ARB2A: variants seen among roughly 807,000 people sequenced by gnomAD.
ARB2A encodes ARB2 cotranscriptional regulator A.
the ARB2A span, among the ~76,000 whole-genome samples, chr5:94,032,805 C>T: frequency 6.6e-6 from 1 of 152,140 alleles, no homozygotes; most frequent in African/African-American, 2.4e-5. Flanking sequence ...AGGTTTCAGA[C>T]TTGCTTTGAG....
At chr5:93,865,786 G>A in the ARB2A span, 1 of 985,356 alleles carries the variant, frequency 1.0e-6, no homozygotes, top group Non-Finnish European at 1.2e-6. Context: ...GCATAAATAA[G>A]TAAATCAACA....
the ARB2A span, among the ~76,000 whole-genome samples, chr5:94,026,308 A>T: frequency 6.6e-6 from 1 of 152,014 alleles, no homozygotes; most frequent in Admixed American, 6.6e-5. Flanking sequence ...GCAGTGGGCC[A>T]CAACTGTTAT....
chr5:93,676,353 C>T, the ARB2A span, among the ~76,000 whole-genome samples: 1 of 152,114 alleles, frequency 6.6e-6, no homozygotes, highest in African/African-American at 2.4e-5. Flanking sequence ...TAGTAGAGTA[C>T]TAAGTTTTAT....
chr5:93,958,327 T>A, the ARB2A span, among the ~76,000 whole-genome samples: 8 of 152,030 alleles, frequency 5.3e-5, no homozygotes, highest in Non-Finnish European at 1.0e-4. Context: ...TTAAATAATA[T>A]GAGATTAATT....
the ARB2A span, among the ~76,000 whole-genome samples, chr5:94,100,943 T>G: frequency 6.6e-6 from 1 of 152,142 alleles, no homozygotes; most frequent in Non-Finnish European, 1.5e-5. Flanking sequence ...AAATGGGATC[T>G]AATTAAACTT....
chr5:93,790,761 A>G, the ARB2A span, among the ~76,000 whole-genome samples: 3 of 151,608 alleles, frequency 2.0e-5, no homozygotes, highest in Admixed American at 2.0e-4. Flanking sequence ...GACTGTATTT[A>G]AAAAAAAAGA....
the ARB2A span, among the ~76,000 whole-genome samples, chr5:93,789,945 C>T: frequency 6.6e-6 from 1 of 152,190 alleles, no homozygotes; most frequent in Non-Finnish European, 1.5e-5. Context: ...GCAGGAAATT[C>T]AGATGAGTAT....
the ARB2A span, among the ~76,000 whole-genome samples, chr5:93,701,772 A>T: frequency 9.2e-5 from 14 of 152,130 alleles, no homozygotes; most frequent in African/African-American, 2.4e-5. Flanking sequence ...ACTGAAACAA[A>T]CTTTTGATTA....
chr5:93,708,834 C>A, the ARB2A span, among the ~76,000 whole-genome samples: 2 of 152,254 alleles, frequency 1.3e-5, no homozygotes, highest in African/African-American at 4.8e-5. Context: ...ATAGTTAAAG[C>A]ACTTGTGTGT....
At chr5:93,954,476 C>A in the ARB2A span, among the ~76,000 whole-genome samples, 1 of 151,936 alleles carries the variant, frequency 6.6e-6, no homozygotes, top group African/African-American at 2.4e-5. Flanking sequence ...CCTACGGTGG[C>A]TCATCTGGTA....
chr5:93,925,030 A>G, the ARB2A span, among the ~76,000 whole-genome samples: 2 of 152,148 alleles, frequency 1.3e-5, no homozygotes, highest in African/African-American at 4.8e-5. Context: ...TCAATCTTAC[A>G]TTAGCAATAA....
chr5:94,070,696 G>T, the ARB2A span, among the ~76,000 whole-genome samples: 1 of 151,994 alleles, frequency 6.6e-6, no homozygotes, highest in East Asian at 1.9e-4. Flanking sequence ...TTAAAAAGAA[G>T]TTGTATTCAG....
the ARB2A span, among the ~76,000 whole-genome samples, chr5:93,687,418 A>C: frequency 6.6e-6 from 1 of 152,222 alleles, no homozygotes; most frequent in Non-Finnish European, 1.5e-5. Flanking sequence ...AAATGTACAA[A>C]GATACTTACT....
At chr5:93,797,035 T>C in the ARB2A span, among the ~76,000 whole-genome samples, 1 of 152,056 alleles carries the variant, frequency 6.6e-6, no homozygotes, top group African/African-American at 2.4e-5. Flanking sequence ...CACTTCTGAG[T>C]TGATATACTA....
the ARB2A span, among the ~76,000 whole-genome samples, chr5:93,760,057 A>C: frequency 6.6e-6 from 1 of 152,226 alleles, no homozygotes; most frequent in East Asian, 1.9e-4. Context: ...GTTTCTGGAT[A>C]AAAGATTAAT....
At chr5:93,812,563 T>G in the ARB2A span, among the ~76,000 whole-genome samples, 4 of 152,216 alleles carry the variant, frequency 2.6e-5, no homozygotes, top group African/African-American at 9.6e-5. Context: ...GAAAGATAAA[T>G]ATAAAGTTTT....
chr5:93,996,976 G>A, the ARB2A span, among the ~76,000 whole-genome samples: 5 of 152,060 alleles, frequency 3.3e-5, no homozygotes, highest in African/African-American at 1.2e-4. Context: ...GCCATTGATC[G>A]AGGAATTAGG....
At chr5:93,982,488 T>C in the ARB2A span, among the ~76,000 whole-genome samples, 1 of 152,168 alleles carries the variant, frequency 6.6e-6, no homozygotes, top group Admixed American at 6.5e-5. Context: ...TGCACAGATC[T>C]TGGGGTGGGG....
chr5:93,802,516 G>C, the ARB2A span, among the ~76,000 whole-genome samples: 4 of 151,884 alleles, frequency 2.6e-5, no homozygotes, highest in Admixed American at 6.6e-5. Flanking sequence ...AAAAATTCAA[G>C]GCTATTTAAA....
Sources: gnomAD v4.1 joint callset for allele counts (sites outside exome capture counted in the v4.1 genomes callset) on GRCh38, gnomAD v4.1.1 for gene constraint, MANE v1.5 for transcripts, NCBI Gene and HGNC (gene_info 2026-07-23, HGNC 2026-07-21) for gene names.